BACH2: variants seen among roughly 807,000 people sequenced by gnomAD.
BACH2 encodes transcription regulator protein BACH2.
In BACH2, 5 loss-of-function variants were observed where a neutral mutation model predicts 61.8. The ratio of observed to expected loss-of-function variants is 0.08; its 90% confidence interval spans 0.04 to 0.17. The LOEUF (loss-of-function observed/expected upper bound fraction) is 0.17, where lower values mean the gene tolerates loss of function less well. BACH2 is among the 10% of genes least tolerant of loss of function. The probability of loss-of-function intolerance (pLI) is 1.00; values close to 1 mark genes in which losing one functional copy is unlikely to be tolerated. For synonymous variants in BACH2, 446 were observed against 440.1 expected (o/e 1.01, Z -0.17); for missense variants, 824 against 1,091.1 (o/e 0.76, Z 3.45).
chr6:89,953,971 T>C lies in BACH2; in HGVS notation c.244-2109A>G, dbSNP rs77428641. 9.8e-4 allele frequency among the ~76,000 whole-genome samples: 150 copies of C among 152,344 alleles called. 2 individuals carry two copies. In the East Asian group the frequency reaches 0.024, roughly 24 times the overall value. On this transcript the variant is annotated intron_variant, in intron 6 of 8. Transcript: ENST00000257749. ...GGTTCAGCAAATGTAGTACTGACAA[T>C]ACATCTGTTTTATGTCCTTTTCTTC...
intron 4 of BACH2, among the ~76,000 whole-genome samples, chr6:90,152,088 T>TAAATTGCTTGGTCAGCTTCAA (rs1784829881): frequency 6.6e-6 from 1 of 152,240 alleles, no homozygotes; most frequent in Non-Finnish European, 1.5e-5. Context: ...TCATCTGTTA[T>TAAATTGCTTGGTCAGCTTCAA]AAATTGCTTG....
At chr6:90,200,939 G>A (rs566849316) in intron 4 of BACH2, among the ~76,000 whole-genome samples, 146 of 152,260 alleles carry the variant, frequency 9.6e-4, no homozygotes, top group Non-Finnish European at 1.7e-3. Context: ...ATGTTGATGT[G>A]TATAAGCAAT....
intron 6 of BACH2, among the ~76,000 whole-genome samples, chr6:89,966,622 C>G (rs1775061919): frequency 2.0e-5 from 3 of 152,182 alleles, no homozygotes; most frequent in African/African-American, 7.2e-5. Flanking sequence ...GAGTTTGAAT[C>G]TTTTCTATAT....
intron 5 of BACH2, among the ~76,000 whole-genome samples, chr6:90,039,915 TC>T (rs1190856278): frequency 6.6e-6 from 1 of 152,172 alleles, no homozygotes; most frequent in African/African-American, 2.4e-5. Context: ...TTAATTTTTT[TC>T]CCCTATTGCA....
chr6:90,077,561 G>GA (rs1006948774), intron 5 of BACH2, among the ~76,000 whole-genome samples: 35 of 152,194 alleles, frequency 2.3e-4, no homozygotes, highest in African/African-American at 8.2e-4. Context: ...AATCTGATGA[G>GA]AATACTAATA....
chr6:90,077,626 GAA>G (rs1781531021), intron 5 of BACH2, among the ~76,000 whole-genome samples: 1 of 152,082 alleles, frequency 6.6e-6, no homozygotes, highest in African/African-American at 2.4e-5. Flanking sequence ...GACAGACTAA[GAA>G]AAGGAAAATT....
intron 4 of BACH2, among the ~76,000 whole-genome samples, chr6:90,125,016 C>T (rs780503472): frequency 2.0e-5 from 3 of 152,168 alleles, no homozygotes; most frequent in African/African-American, 7.2e-5. Flanking sequence ...AAAAAAGCTT[C>T]TCATACATTT....
chr6:89,974,603 T>C (rs1045055696), intron 6 of BACH2, among the ~76,000 whole-genome samples: 1 of 152,224 alleles, frequency 6.6e-6, no homozygotes, highest in African/African-American at 2.4e-5. Flanking sequence ...TTCTCCTTGC[T>C]GCCAATTAAA....
In BACH2 at chr6:90,296,820, G is replaced by T. The variant is rs960595820; in HGVS notation, c.-786C>A. The stretch of plus-strand genomic sequence containing the variant: ...CTGCTGCTGCTGCTGCTGCTGCTGA[G>T]GCGGCGGCGGCTCGGCGCTGTTTGC... On this transcript the variant is annotated 5_prime_UTR_variant, in exon 1 of 9. Transcript: ENST00000257749. 1 of 175,814 alleles carries T rather than the reference G, an allele frequency of 5.7e-6. No individual in the cohort carries two copies. The highest frequency in any genetic ancestry group is 1.1e-5 in the Non-Finnish European group (1 of 87,380). The allele number at this position is 175,814 out of a possible 1,614,324, so 10.9% of individuals were successfully genotyped here. A position where few individuals can be genotyped will look rare whatever the true frequency, so the allele number is the denominator to read the frequency against.
intron 5 of BACH2, among the ~76,000 whole-genome samples, chr6:90,064,182 A>T (rs555915441): frequency 6.6e-6 from 1 of 152,216 alleles, no homozygotes; most frequent in Non-Finnish European, 1.5e-5. Flanking sequence ...ACAGAATGTG[A>T]TATGTGCCAT....
intron 5 of BACH2, among the ~76,000 whole-genome samples, chr6:90,072,316 A>G (rs767498568): frequency 1.3e-5 from 2 of 152,182 alleles, no homozygotes; most frequent in Non-Finnish European, 2.9e-5. Flanking sequence ...TGGTACCCTA[A>G]GTATCAAAAG....
At position 90,053,486 on chromosome 6, in the gene BACH2, T is replaced by C. The variant is rs545327587; in HGVS notation, c.-13+35475A>G. On this transcript the variant is annotated intron_variant, in intron 5 of 8. Coordinates refer to ENST00000257749, the MANE Select transcript of BACH2 (RefSeq NM_021813.4). ...TTGTAGAGCTAGGGTCTCACTGTATTGTGCAGACTGGTCTTGAACTGGCCT... is the reference window on the plus strand; with the variant it reads ...TTGTAGAGCTAGGGTCTCACTGTATCGTGCAGACTGGTCTTGAACTGGCCT... Among the ~76,000 whole-genome samples, 41 of 152,112 alleles carry C rather than the reference T, an allele frequency of 2.7e-4. 1 individual carries two copies. The highest frequency in any genetic ancestry group is 4.4e-4 in the Non-Finnish European group (30 of 68,022).
chr6:90,218,111 C>A (rs1769600631), intron 3 of BACH2: 1 of 152,156 alleles, frequency 6.6e-6, no homozygotes, highest in Non-Finnish European at 1.5e-5. Context: ...CCTCTGCTGC[C>A]TCAGTGTCAT....
At chr6:90,179,434 CT>C (rs1340561686) in intron 4 of BACH2, among the ~76,000 whole-genome samples, 2 of 152,130 alleles carry the variant, frequency 1.3e-5, no homozygotes, top group Non-Finnish European at 2.9e-5. Flanking sequence ...CCAAAGGTAC[CT>C]TTCTTTTTCT....
intron 4 of BACH2, among the ~76,000 whole-genome samples, chr6:90,182,337 T>C (rs72925969): frequency 6.6e-6 from 1 of 152,236 alleles, no homozygotes; most frequent in South Asian, 2.1e-4. Flanking sequence ...CTATCTGGAA[T>C]GTCCTTCATC....
Position 89,938,772 on chromosome 6 carries a change from G to A in BACH2, c.1837-422C>T, listed in dbSNP as rs76105976. Among the ~76,000 whole-genome samples, 58 of 152,320 alleles carry A rather than the reference G, an allele frequency of 3.8e-4. No individual in the cohort carries two copies. In the East Asian group the frequency reaches 8.5e-3, roughly 22 times the overall value. The stretch of plus-strand genomic sequence containing the variant: ...AGCCCCTGAATGAAGAGAGCCCCAT[G>A]TATCCTGAAAATGCTGGAGACACAA... On this transcript the variant is annotated intron_variant, in intron 7 of 8. Coordinates refer to ENST00000257749, the MANE Select transcript of BACH2 (RefSeq NM_021813.4).
intron 5 of BACH2, among the ~76,000 whole-genome samples, chr6:90,059,316 A>T (rs1780553054): frequency 6.6e-6 from 1 of 152,268 alleles, no homozygotes; most frequent in African/African-American, 2.4e-5. Flanking sequence ...TGGGCAAAGG[A>T]TATGAACAGA....
At position 89,950,407 on chromosome 6, in the gene BACH2, T is replaced by A; in HGVS notation, c.1699A>T (p.Met567Leu). Reference sequence around the variant, plus strand: ...ACTTGGTTGTACATTCCATCTCCCATCAGGCCTGGTTCCTGATGTTCTGTG... The same window carrying A: ...ACTTGGTTGTACATTCCATCTCCCAACAGGCCTGGTTCCTGATGTTCTGTG... The part of the protein sequence containing the change: ...LATEHQEPGL[M>L]GDGMYNQVRP... Residue 567 changes from methionine to leucine, a missense_variant, in exon 7 of 9, where the codon ATG (methionine) becomes TTG (leucine). Physicochemically the swap from Met to Leu is conservative, Grantham distance 15 (BLOSUM62 2). Transcript: ENST00000257749. This position sits in a 1 kb window ranked among gnomAD's most constrained non-coding sequence, Gnocchi z 5.3. 1 of 1,614,124 alleles carries A rather than the reference T, an allele frequency of 6.2e-7. No homozygotes were observed. The highest frequency in any genetic ancestry group is 8.5e-7 in the Non-Finnish European group (1 of 1,180,022).
chr6:90,207,966 A>G (rs1173037276), intron 3 of BACH2, among the ~76,000 whole-genome samples: 1 of 152,226 alleles, frequency 6.6e-6, no homozygotes, highest in Non-Finnish European at 1.5e-5. Context: ...ACATAATATT[A>G]CTACGTTCCT....
Sources: allele counts gnomAD v4.1 joint callset (sites outside exome capture counted in the v4.1 genomes callset), GRCh38; gene constraint gnomAD v4.1.1; non-coding constraint Gnocchi (gnomAD v3.1); transcripts MANE v1.5; gene names NCBI Gene and HGNC (gene_info 2026-07-23, HGNC 2026-07-21).